TMEM38B: variants seen among roughly 807,000 people sequenced by gnomAD.
TMEM38B encodes the protein transmembrane protein 38B.
In TMEM38B, 24 loss-of-function variants were observed where a neutral mutation model predicts 28.7. That is an observed-to-expected ratio of 0.84 (90% CI 0.61 to 1.18). The LOEUF (loss-of-function observed/expected upper bound fraction) is 1.18. Ranked by LOEUF, TMEM38B falls within the 50% of genes most tolerant of loss-of-function variation. TMEM38B has a pLI of 0.00. For synonymous variants in TMEM38B, 131 were observed against 127.7 expected (o/e 1.03, Z -0.17); for missense variants, 380 against 350.9 (o/e 1.08, Z -0.66).
rs1029946469 is a variant in TMEM38B at position 105,759,284 on chromosome 9, A to T, written c.660+11094A>T. On this transcript the variant is annotated intron_variant, in intron 5 of 5. Coordinates refer to ENST00000374692, the MANE Select transcript of TMEM38B (RefSeq NM_018112.3). ...CAGATAGATCCAGTGGGATACATAG[A>T]ATCCAAGATGATCCACAGTCTTAAA... 7.9e-6 allele frequency: 6 copies of T among 759,254 alleles called. No individual in the cohort carries two copies. In the African/African-American group the frequency reaches 1.0e-4, roughly 13 times the overall value. The allele number at this position is 759,254 out of a possible 1,614,324, so 47.0% of individuals were successfully genotyped here.
chr9:105,772,884 A>G (rs1369614475), intron 5 of TMEM38B, among the ~76,000 whole-genome samples: 1 of 152,092 alleles, frequency 6.6e-6, no homozygotes, highest in Non-Finnish European at 1.5e-5. Flanking sequence ...ATTGCATAGC[A>G]TGCATTTAAC....
At position 105,748,096 on chromosome 9, in the gene TMEM38B, G is replaced by T. The variant is rs983848272; in HGVS notation, c.566G>T (p.Gly189Val). 6.2e-7 allele frequency: 1 copy of T among 1,613,186 alleles called. No individual in the cohort carries two copies. The highest frequency in any genetic ancestry group is 8.5e-7 in the Non-Finnish European group (1 of 1,179,458). ...AGCCCTGCCAAGGTAACCCTGCTGG[G>T]GTCAGTTATCTTCACATTCCAGCAC... ...MSYPAKVTLLGSVIFTFQHTQ... is the reference protein window; with the variant it reads ...MSYPAKVTLLVSVIFTFQHTQ... The change falls in exon 5 of 6, where the codon GGG becomes GTG. Residue 189 changes from glycine to valine, a missense_variant. Transcript: ENST00000374692.
At chr9:105,712,931 C>T (rs1214380485) in intron 2 of TMEM38B, among the ~76,000 whole-genome samples, 1 of 152,246 alleles carries the variant, frequency 6.6e-6, no homozygotes, top group African/African-American at 2.4e-5. Flanking sequence ...ACAAAGGGAG[C>T]TTGCATGGCA....
At chr9:105,697,440 T>G (rs760989488) in intron 1 of TMEM38B, among the ~76,000 whole-genome samples, 1 of 152,240 alleles carries the variant, frequency 6.6e-6, no homozygotes, top group Non-Finnish European at 1.5e-5. Context: ...GCCCATTTCC[T>G]TTGACAGTTC....
intron 4 of TMEM38B, among the ~76,000 whole-genome samples, chr9:105,745,728 A>AT (rs1409367849): frequency 1.3e-5 from 2 of 152,158 alleles, no homozygotes; most frequent in Non-Finnish European, 2.9e-5. Context: ...TAGGTCTAAC[A>AT]TTTCAGTCTT....
At chr9:105,700,047 A>G (rs570917895) in intron 1 of TMEM38B, among the ~76,000 whole-genome samples, 11 of 152,332 alleles carry the variant, frequency 7.2e-5, no homozygotes, top group African/African-American at 2.6e-4. Context: ...TCAAACCACC[A>G]TTTTGTGTAA....
rs1835203677 is a variant in TMEM38B, at chr9:105,694,581, T to C, written c.-80T>C. 1.8e-6 allele frequency: 2 copies of C among 1,135,912 alleles called. No individual in the cohort carries two copies. Among genetic ancestry groups the C allele is most frequent in the Non-Finnish European group, 1.3e-6 (1 of 775,692 alleles). The allele number at this position is 1,135,912 out of a possible 1,614,324, so 70.4% of individuals were successfully genotyped here. ...GCGGAGGAGCGGGCGGCCGCGGCTG[T>C]GCCCTCTCCTACTCCTCACCGCGCG... is the stretch of plus-strand genomic sequence containing the variant. On this transcript the variant is annotated 5_prime_UTR_variant, in exon 1 of 6. Transcript: ENST00000374692.
chr9:105,756,469 A>G (rs1837834634), intron 5 of TMEM38B, among the ~76,000 whole-genome samples: 1 of 152,162 alleles, frequency 6.6e-6, no homozygotes, highest in Non-Finnish European at 1.5e-5. Context: ...AGTTTGCTGA[A>G]TGGGTGGGAG....
intron 5 of TMEM38B, chr9:105,758,270 G>A (rs1295987242): frequency 2.4e-5 from 16 of 673,668 alleles, no homozygotes; most frequent in Non-Finnish European, 2.1e-5. Context: ...GGACACTGAG[G>A]CTCACAGACG....
intron 2 of TMEM38B, among the ~76,000 whole-genome samples, chr9:105,712,899 G>C (rs1835956050): frequency 6.6e-6 from 1 of 152,202 alleles, no homozygotes; most frequent in African/African-American, 2.4e-5. Flanking sequence ...GGAGCTTCAG[G>C]TCGCCCCTGA....
intron 5 of TMEM38B, among the ~76,000 whole-genome samples, chr9:105,762,415 A>T (rs1393721764): frequency 2.6e-5 from 2 of 75,764 alleles, no homozygotes; most frequent in Non-Finnish European, 4.8e-5. Context: ...CCCTCCCCCC[A>T]CCCCACAACA....
In TMEM38B at chr9:105,719,349, G is replaced by A. The variant is rs148189072; in HGVS notation, c.270-2188G>A. 5.3e-5 allele frequency among the ~76,000 whole-genome samples: 8 copies of A among 152,220 alleles called. No individual in the cohort carries two copies. In the East Asian group the frequency reaches 7.7e-4, roughly 15 times the overall value. ...TATGTTTTCTTTAGGCACTTTACAA[G>A]TTAAAGTTACCTTGGATATGATAAT... On this transcript the variant is annotated intron_variant, in intron 2 of 5. Transcript: ENST00000374692.
intron 4 of TMEM38B, among the ~76,000 whole-genome samples, chr9:105,742,033 A>G (rs1239089838): frequency 6.6e-6 from 1 of 152,236 alleles, no homozygotes; most frequent in Non-Finnish European, 1.5e-5. Flanking sequence ...ATTGCTGTGC[A>G]TACACAGGAG....
chr9:105,752,432 G>A (rs1489594808), intron 5 of TMEM38B, among the ~76,000 whole-genome samples: 4 of 152,182 alleles, frequency 2.6e-5, no homozygotes, highest in African/African-American at 9.7e-5. Flanking sequence ...TCTGGCAGCA[G>A]GTCAGAACCC....
chr9:105,719,080 CAG>C (rs1235345358), intron 2 of TMEM38B, among the ~76,000 whole-genome samples: 3 of 152,188 alleles, frequency 2.0e-5, no homozygotes, highest in Non-Finnish European at 2.9e-5. Context: ...AGAGTGAAAA[CAG>C]AGTTCTCAAT....
intron 5 of TMEM38B, among the ~76,000 whole-genome samples, chr9:105,752,951 A>C (rs1374138566): frequency 1.3e-5 from 2 of 152,240 alleles, no homozygotes; most frequent in Non-Finnish European, 2.9e-5. Context: ...GATAGCTAGA[A>C]TAGCCAGTTT....
chr9:105,728,486 T>G (rs1255461726), intron 4 of TMEM38B, among the ~76,000 whole-genome samples: 1 of 152,076 alleles, frequency 6.6e-6, no homozygotes, highest in African/African-American at 2.4e-5. Flanking sequence ...TCCAGGTTAT[T>G]ATTGATGGAC....
In TMEM38B at chr9:105,774,003, G is replaced by T. The variant is rs149026877; in HGVS notation, c.799G>T (p.Val267Phe). The change falls in exon 6 of 6, where the codon GTT becomes TTT. Residue 267 changes from valine to phenylalanine, a missense_variant. Val to Phe is a conservative substitution (Grantham distance 50). Transcript: ENST00000374692. ...KSEAKSPSNG[V>F]GSLASKPVDV... is the part of the protein sequence containing the mutation. Reference sequence around the variant, plus strand: ...TGAAGCAAAGTCACCTTCCAATGGCGTTGGGTCATTGGCCTCAAAGCCGGT... The same window carrying T: ...TGAAGCAAAGTCACCTTCCAATGGCTTTGGGTCATTGGCCTCAAAGCCGGT... 1.9e-6 allele frequency: 3 copies of T among 1,613,744 alleles called. No homozygotes were observed. Among genetic ancestry groups the T allele is most frequent in the African/African-American group, 1.3e-5 (1 of 75,012 alleles).
chr9:105,749,940 G>A (rs1404940251), intron 5 of TMEM38B, among the ~76,000 whole-genome samples: 1 of 152,196 alleles, frequency 6.6e-6, no homozygotes, highest in Non-Finnish European at 1.5e-5. Flanking sequence ...AGGAACTGAT[G>A]CATTGTTTTC....
Sources: allele counts gnomAD v4.1 joint callset (sites outside exome capture counted in the v4.1 genomes callset), GRCh38; gene constraint gnomAD v4.1.1; transcripts MANE v1.5; gene names NCBI Gene and HGNC (gene_info 2026-07-23, HGNC 2026-07-21).